The following GPC6 variants were observed in gnomAD, a reference collection of about 807,000 sequenced individuals.
GPC6 encodes the protein glypican-6.
A neutral mutation model predicts 55.2 loss-of-function variants in GPC6; 14 were observed. That is an observed-to-expected ratio of 0.25 (90% CI 0.17 to 0.40). The LOEUF (loss-of-function observed/expected upper bound fraction) is 0.40. Ranked by LOEUF, GPC6 falls within the 10% of genes least tolerant of loss-of-function variation. The pLI is 1.00. For synonymous variants in GPC6, 278 were observed against 259.6 expected (o/e 1.07, Z -0.68); for missense variants, 641 against 708.5 (o/e 0.90, Z 1.08).
At chr13:93,947,182 C>A (rs79009883) in intron 3 of GPC6, among the ~76,000 whole-genome samples, 3 of 152,104 alleles carry the variant, frequency 2.0e-5, no homozygotes, top group African/African-American at 7.2e-5. Flanking sequence ...AGAAGCATGC[C>A]GTTAAGTGCA....
rs189023165 is a variant in GPC6 at position 93,265,706 on chromosome 13, A to G, written c.160+38090A>G. Among the ~76,000 whole-genome samples, 693 of 152,366 alleles carry G rather than the reference A, an allele frequency of 4.5e-3. 3 individuals carry two copies. The highest frequency in any genetic ancestry group is 0.016 in the African/African-American group (663 of 41,588). On this transcript the variant is annotated intron_variant, in intron 1 of 8. Transcript: ENST00000377047. ...GTATGTGTATATGTCTATTTCAAAT[A>G]TACATGCAATGAGATGCCAGAGCCA...
intron 1 of GPC6, among the ~76,000 whole-genome samples, chr13:93,355,140 C>A (rs1023953870): frequency 6.6e-6 from 1 of 152,146 alleles, no homozygotes; most frequent in African/African-American, 2.4e-5. Context: ...TAAATATTAA[C>A]GTTCCTCTCC....
In GPC6 at chr13:93,482,446, G is replaced by T. The variant is rs539291469; in HGVS notation, c.161-62817G>T. On this transcript the variant is annotated intron_variant, in intron 1 of 8. Transcript: ENST00000377047. ...AAGATAAAATGCCAACTAATTCGTT[G>T]TTTCTCCTATATTTTACTACAGTTA... 5.3e-5 allele frequency among the ~76,000 whole-genome samples: 8 copies of T among 152,180 alleles called. No individual in the cohort carries two copies. In the East Asian group the frequency reaches 1.5e-3, roughly 29 times the overall value.
At chr13:93,549,721 T>C (rs1445723577) in intron 2 of GPC6, among the ~76,000 whole-genome samples, 1 of 151,908 alleles carries the variant, frequency 6.6e-6, no homozygotes, top group Non-Finnish European at 1.5e-5. Context: ...GTGGGGAGGA[T>C]GTGGAAATGA....
chr13:93,480,981 G>T (rs2590543), intron 1 of GPC6, among the ~76,000 whole-genome samples: 24,961 of 152,082 alleles, frequency 0.16, 2,433 homozygotes, highest in South Asian at 0.22. Context: ...TGGATCGTAC[G>T]GTAGTTCCAT....
intron 4 of GPC6, among the ~76,000 whole-genome samples, chr13:94,197,995 T>C (rs914051336): frequency 9.2e-5 from 14 of 152,214 alleles, no homozygotes; most frequent in Admixed American, 8.5e-4. Flanking sequence ...AATAATGTTT[T>C]GATTTTAATT....
chr13:94,179,003 T>A (rs1351274824), intron 4 of GPC6, among the ~76,000 whole-genome samples: 13 of 152,176 alleles, frequency 8.5e-5, no homozygotes, highest in Admixed American at 5.9e-4. Flanking sequence ...TTCTTGATCT[T>A]GAAGCCTGTT....
intron 3 of GPC6, among the ~76,000 whole-genome samples, chr13:93,979,009 A>G (rs1208262683): frequency 2.6e-5 from 4 of 152,180 alleles, no homozygotes; most frequent in African/African-American, 7.2e-5. Context: ...CTAGAATACT[A>G]CTAAAGATAT....
At chr13:93,248,040 T>G (rs1283856495) in intron 1 of GPC6, among the ~76,000 whole-genome samples, 1 of 152,162 alleles carries the variant, frequency 6.6e-6, no homozygotes, top group Non-Finnish European at 1.5e-5. Context: ...CTATTGATGA[T>G]GAGATAATAT....
At chr13:93,901,074 G>A (rs1401088626) in intron 3 of GPC6, among the ~76,000 whole-genome samples, 1 of 152,110 alleles carries the variant, frequency 6.6e-6, no homozygotes, top group East Asian at 1.9e-4. Context: ...ATAGAGGTCT[G>A]TGCAGACTTT....
At chr13:93,994,466 A>G (rs1021511469) in intron 3 of GPC6, among the ~76,000 whole-genome samples, 3 of 152,200 alleles carry the variant, frequency 2.0e-5, no homozygotes, top group African/African-American at 7.2e-5. Context: ...TTGCCCTAAT[A>G]GTTCAATTCC....
intron 4 of GPC6, among the ~76,000 whole-genome samples, chr13:94,091,635 C>A (rs569568385): frequency 1.1e-4 from 17 of 152,030 alleles, no homozygotes; most frequent in Non-Finnish European, 1.9e-4. Flanking sequence ...GCTACTTAGA[C>A]CTCTGGAGTC....
At chr13:94,101,748 T>C (rs1211184846) in intron 4 of GPC6, among the ~76,000 whole-genome samples, 2 of 151,946 alleles carry the variant, frequency 1.3e-5, no homozygotes, top group Admixed American at 6.6e-5. Flanking sequence ...CTCTAAAATG[T>C]AAATGTTTGT....
intron 2 of GPC6, among the ~76,000 whole-genome samples, chr13:93,792,034 G>A (rs1322558243): frequency 6.6e-6 from 1 of 152,188 alleles, no homozygotes; most frequent in Non-Finnish European, 1.5e-5. Flanking sequence ...GTACCAATGT[G>A]ATGTATCAAA....
At chr13:94,085,260 T>C (rs1885235958) in intron 4 of GPC6, among the ~76,000 whole-genome samples, 1 of 131,022 alleles carries the variant, frequency 7.6e-6, no homozygotes, top group Admixed American at 9.7e-5. Flanking sequence ...AGGCGGAGGT[T>C]GCAGTGAGCC....
At chr13:94,189,648 CAATT>C (rs1433074501) in intron 4 of GPC6, among the ~76,000 whole-genome samples, 1 of 152,164 alleles carries the variant, frequency 6.6e-6, no homozygotes, top group Non-Finnish European at 1.5e-5. Flanking sequence ...ATAAATTAAA[CAATT>C]AAAAGAGTAT....
chr13:93,555,263 G>C (rs1445250), intron 2 of GPC6, among the ~76,000 whole-genome samples: 1 of 152,022 alleles, frequency 6.6e-6, no homozygotes, highest in Non-Finnish European at 1.5e-5. Flanking sequence ...TCTTGTAATA[G>C]TATTCTTCTA....
intron 2 of GPC6, among the ~76,000 whole-genome samples, chr13:93,738,359 C>T (rs1430378788): frequency 6.6e-6 from 1 of 152,058 alleles, no homozygotes. Context: ...GTAAAATGAT[C>T]ACCCATGTTT....
intron 3 of GPC6, among the ~76,000 whole-genome samples, chr13:93,921,996 A>T (rs529168046): frequency 6.6e-6 from 1 of 152,152 alleles, no homozygotes; most frequent in Non-Finnish European, 1.5e-5. Flanking sequence ...CTCAATAGAT[A>T]TTTGTTACAT....
Sources: gnomAD v4.1 joint callset for allele counts (sites outside exome capture counted in the v4.1 genomes callset) on GRCh38, gnomAD v4.1.1 for gene constraint, MANE v1.5 for transcripts, NCBI Gene and HGNC (gene_info 2026-07-23, HGNC 2026-07-21) for gene names.